The following ACOXL variants were observed in gnomAD, a reference collection of about 807,000 sequenced individuals.
The protein encoded by ACOXL is acyl-CoA oxidase like, also known as acyl-coenzyme A oxidase-like protein.
Under a neutral mutation model 71.9 loss-of-function variants are expected in ACOXL, and 70 were observed. That is an observed-to-expected ratio of 0.97 (90% CI 0.80 to 1.19). The LOEUF is 1.19. Among genes scored for constraint, ACOXL ranks in the 50% most tolerant of loss-of-function variants. The pLI, the probability that ACOXL is intolerant of heterozygous loss-of-function variation, is 0.00. For missense variants in ACOXL, 703 were observed against 736.3 expected, an observed-to-expected ratio of 0.95 and a Z score of 0.52; for synonymous variants, 253 against 281.6, an observed-to-expected ratio of 0.90 and a Z score of 1.02.
intron 15 of ACOXL, among the ~76,000 whole-genome samples, chr2:111,034,198 TG>T (rs1194511646): frequency 6.6e-6 from 1 of 152,230 alleles, no homozygotes; most frequent in Non-Finnish European, 1.5e-5. Flanking sequence ...ATTTACCTCG[TG>T]GGGCTGTTGG....
chr2:110,743,051 A>C (rs2104719833), intron 1 of ACOXL, among the ~76,000 whole-genome samples: 1 of 152,326 alleles, frequency 6.6e-6, no homozygotes, highest in Non-Finnish European at 1.5e-5. Context: ...CCTATTAAAG[A>C]ATCACTCCCT....
chr2:111,060,765 C>T (rs1429672946), intron 16 of ACOXL, among the ~76,000 whole-genome samples: 1 of 152,138 alleles, frequency 6.6e-6, no homozygotes, highest in East Asian at 1.9e-4. Flanking sequence ...AGTGAACATA[C>T]TTGAAACAAG....
intron 2 of ACOXL, among the ~76,000 whole-genome samples, chr2:110,775,765 G>C (rs1435386489): frequency 6.6e-6 from 1 of 152,178 alleles, no homozygotes; most frequent in Non-Finnish European, 1.5e-5. Flanking sequence ...TGTTGGAGAG[G>C]ATATGGAGAA....
At chr2:110,920,622 T>A (rs2060030762) in intron 11 of ACOXL, among the ~76,000 whole-genome samples, 1 of 152,156 alleles carries the variant, frequency 6.6e-6, no homozygotes, top group Admixed American at 6.6e-5. Flanking sequence ...TGAAATTGGG[T>A]AGTGTCAGCT....
chr2:111,086,910 GTC>G (rs2068239499), intron 16 of ACOXL, among the ~76,000 whole-genome samples: 1 of 152,060 alleles, frequency 6.6e-6, no homozygotes, highest in Admixed American at 6.6e-5. Context: ...AAACCCTATG[GTC>G]TCTACCCAAA....
At chr2:110,896,337 CAG>C (rs1236624088) in intron 10 of ACOXL, among the ~76,000 whole-genome samples, 3 of 151,964 alleles carry the variant, frequency 2.0e-5, no homozygotes, top group African/African-American at 7.2e-5. Flanking sequence ...AAATGAAAAA[CAG>C]AGAAAACATT....
chr2:111,101,642 T>C (rs1574767358), intron 17 of ACOXL, among the ~76,000 whole-genome samples: 1 of 149,948 alleles, frequency 6.7e-6, no homozygotes, highest in African/African-American at 2.5e-5. Context: ...TTTTTCTCTG[T>C]AATGAATTTG....
rs146649040 is a variant in ACOXL, at chr2:110,787,406, C to T, written c.159+2591C>T. Among the ~76,000 whole-genome samples, 376 of 151,672 alleles carry T rather than the reference C, an allele frequency of 2.5e-3. 2 individuals carry two copies. The highest frequency in any genetic ancestry group is 8.7e-3 in the African/African-American group (360 of 41,348). ...AAAATTAGCCGGGCGTGGTGGCAGACGCCTGTAGTCCCAGCTACTCGGGAG... is the reference window on the plus strand; with the variant it reads ...AAAATTAGCCGGGCGTGGTGGCAGATGCCTGTAGTCCCAGCTACTCGGGAG... On this transcript the variant is annotated intron_variant, in intron 3 of 17. Transcript: ENST00000439055.
At chr2:110,817,130 A>G (rs992744449) in intron 9 of ACOXL, among the ~76,000 whole-genome samples, 1 of 152,234 alleles carries the variant, frequency 6.6e-6, no homozygotes, top group African/African-American at 2.4e-5. Flanking sequence ...CACCCAGCCC[A>G]TCACAAGCAT....
At chr2:110,860,006 T>G (rs1205796162) in intron 10 of ACOXL, among the ~76,000 whole-genome samples, 1 of 152,230 alleles carries the variant, frequency 6.6e-6, no homozygotes, top group Non-Finnish European at 1.5e-5. Flanking sequence ...TGTCTTTCCC[T>G]TCCTGCTTCC....
intron 15 of ACOXL, among the ~76,000 whole-genome samples, chr2:111,048,098 T>G (rs1241893365): frequency 6.6e-6 from 1 of 152,244 alleles, no homozygotes; most frequent in East Asian, 1.9e-4. Flanking sequence ...CAGGCATGCT[T>G]GAGGTCAAAT....
At chr2:110,904,833 A>T (rs1401044498) in intron 10 of ACOXL, among the ~76,000 whole-genome samples, 1 of 152,130 alleles carries the variant, frequency 6.6e-6, no homozygotes, top group African/African-American at 2.4e-5. Context: ...GAGGCATAGG[A>T]TCTGTCTGTC....
At chr2:110,966,431 A>G (rs879588610) in intron 12 of ACOXL, among the ~76,000 whole-genome samples, 16 of 152,170 alleles carry the variant, frequency 1.1e-4, no homozygotes, top group Admixed American at 1.0e-3. Context: ...ACTAGTCACT[A>G]CTCTGTGTTC....
At chr2:110,854,848 T>G (rs1693047591) in intron 10 of ACOXL, among the ~76,000 whole-genome samples, 1 of 152,174 alleles carries the variant, frequency 6.6e-6, no homozygotes, top group African/African-American at 2.4e-5. Context: ...ATGCAGAGAT[T>G]ACTGCTCTGC....
chr2:110,921,518 CAAGT>C (rs2060075704), intron 11 of ACOXL, among the ~76,000 whole-genome samples: 2 of 151,592 alleles, frequency 1.3e-5, no homozygotes, highest in Non-Finnish European at 2.9e-5. Flanking sequence ...CTCAGCCTCC[CAAGT>C]AGCTGGGACT....
intron 12 of ACOXL, among the ~76,000 whole-genome samples, chr2:110,955,460 C>T (rs2061465545): frequency 6.6e-6 from 1 of 151,678 alleles, no homozygotes; most frequent in Non-Finnish European, 1.5e-5. Flanking sequence ...CTCTCTGTCT[C>T]TCGCCACCTA....
intron 9 of ACOXL, 94 bp downstream of exon 9, chr2:110,805,489 A>T: frequency 6.5e-7 from 1 of 1,544,886 alleles, no homozygotes; most frequent in Non-Finnish European, 8.8e-7. Context: ...TTCTGGAGCC[A>T]CAGTTGGTAT....
At chr2:110,959,367 C>T (rs2061615292) in intron 12 of ACOXL, among the ~76,000 whole-genome samples, 1 of 152,198 alleles carries the variant, frequency 6.6e-6, no homozygotes, top group Non-Finnish European at 1.5e-5. Context: ...TCCCACTCAG[C>T]ATCAGGTGGT....
At chr2:110,794,279 C>T (rs1685021305) in intron 5 of ACOXL, 105 bp downstream of exon 5, 2 of 1,098,830 alleles carry the variant, frequency 1.8e-6, no homozygotes, top group African/African-American at 1.6e-5. Flanking sequence ...TGTGTGCTCT[C>T]TGGCCCAGGG....
Sources: gnomAD v4.1 joint callset for allele counts (sites outside exome capture counted in the v4.1 genomes callset) on GRCh38, gnomAD v4.1.1 for gene constraint, MANE v1.5 for transcripts, NCBI Gene and HGNC (gene_info 2026-07-23, HGNC 2026-07-21) for gene names.